CHD8: variants seen among roughly 807,000 people sequenced by gnomAD.
The protein encoded by CHD8 is chromodomain helicase DNA binding protein 8.
Under a neutral mutation model 279.2 loss-of-function variants are expected in CHD8, and 31 were observed. The ratio of observed to expected loss-of-function variants is 0.11; its 90% CI spans 0.08 to 0.15. The LOEUF (loss-of-function observed/expected upper bound fraction) is 0.15, where lower values mean the gene tolerates loss of function less well. Among genes scored for constraint, CHD8 ranks in the 10% least tolerant of loss-of-function variants. The pLI is 1.00. For synonymous variants in CHD8, 1,081 were observed against 1,139.6 expected, an observed-to-expected ratio of 0.95 and a Z score of 1.04; for missense variants, 2,146 against 3,230.5, an observed-to-expected ratio of 0.66 and a Z score of 8.14.
In CHD8 at chr14:21,420,765, A is replaced by AT. The variant is rs753051784; in HGVS notation, c.1717-4859dup. ...ACCTGTTGTAATTTTTCTCATACAC[A>AT]TTTTTTTTTTTTTTGAAACGGAGTT... On this transcript the variant is annotated intron_variant, in intron 5 of 37. Coordinates refer to ENST00000646647, the MANE Select transcript of CHD8 (RefSeq NM_001170629.2). Among the ~76,000 whole-genome samples the AT allele has an allele frequency of 3.2e-3, 464 of 145,738 alleles. 2 individuals carry two copies. Among genetic ancestry groups the AT allele is most frequent in the South Asian group, 8.1e-3 (37 of 4,582 alleles).
intron 5 of CHD8, among the ~76,000 whole-genome samples, chr14:21,420,760 TAC>T (rs1347878439): frequency 2.6e-5 from 4 of 152,042 alleles, no homozygotes; most frequent in Admixed American, 2.6e-4. Flanking sequence ...ATTTTTCTCA[TAC>T]ACATTTTTTT....
In CHD8 at chr14:21,386,021, C is replaced by G; in HGVS notation, c.7338G>C (p.Thr2446=). 6.3e-7 allele frequency: 1 copy of G among 1,596,030 alleles called. No homozygotes were observed. Among genetic ancestry groups the G allele is most frequent in the African/African-American group, 1.3e-5 (1 of 74,750 alleles). ...GSTGSLSLHN[T]FQHSSSGLQS... ...GTAGGCCACTACTGCTGTGTTGGAA[C>G]GTGTTATGCAGAGATAGAGACCCAG... Residue 2446 remains threonine (T), a synonymous_variant, in exon 38 of 38, where the codon ACG becomes ACC. Coordinates refer to ENST00000646647, the MANE Select transcript of CHD8 (RefSeq NM_001170629.2).
At position 21,447,508 on chromosome 14, in the gene CHD8, A is replaced by T. The variant is rs1890156313; in HGVS notation, c.-216+8524T>A. ...CACTTCAGCCTCCTGAGTAGCTGGG[A>T]GTACAGGCACGCACCACCACGTCTA... On this transcript the variant is annotated intron_variant, in intron 1 of 37. Transcript: ENST00000646647. Among the ~76,000 whole-genome samples the T allele has an allele frequency of 5.3e-5, 8 of 151,690 alleles. No individual in the cohort carries two copies. The South Asian group carries it at 1.7e-3, about 32-fold the overall frequency.
At chr14:21,450,391 TA>T (rs1325638604) in intron 1 of CHD8, among the ~76,000 whole-genome samples, 2 of 152,090 alleles carry the variant, frequency 1.3e-5, no homozygotes, top group Non-Finnish European at 2.9e-5. Flanking sequence ...CCCAAAGATA[TA>T]GTGCATCCCC....
chr14:21,385,540 G>A lies in CHD8; in HGVS notation c.*73C>T. The stretch of plus-strand genomic sequence containing the variant: ...CCCACATCTCCCCTGCCCCTCCCAC[G>A]TTTCCATAGTCCAAGGGCCAGAGTA... On this transcript the variant is annotated 3_prime_UTR_variant, in exon 38 of 38. Coordinates refer to ENST00000646647, the MANE Select transcript of CHD8 (RefSeq NM_001170629.2). The A allele has an allele frequency of 2.1e-6, 3 of 1,460,902 alleles. No individual in the cohort carries two copies. Among genetic ancestry groups the A allele is most frequent in the Non-Finnish European group, 2.7e-6 (3 of 1,106,826 alleles). The allele number at this position is 1,460,902 out of a possible 1,614,324, so 90.5% of individuals were successfully genotyped here.
At chr14:21,440,367 C>T (rs531999963) in intron 1 of CHD8, among the ~76,000 whole-genome samples, 3 of 151,988 alleles carry the variant, frequency 2.0e-5, no homozygotes, top group Admixed American at 6.6e-5. Context: ...CCACCATGCC[C>T]GGCTAATTTT....
chr14:21,393,480 C>A lies in CHD8; in HGVS notation c.6315G>T (p.Lys2105Asn). 1 of 1,563,394 alleles carries A rather than the reference C, an allele frequency of 6.4e-7. No homozygotes were observed. The highest frequency in any genetic ancestry group is 8.7e-7 in the Non-Finnish European group (1 of 1,153,368). The change falls in exon 32 of 38, where the codon AAG becomes AAT. Residue 2105 changes from lysine to asparagine, a missense_variant. Around this residue, in one of 26 missense-constraint regions of CHD8, gnomAD observed 513 missense variants for 637.6 expected, o/e 0.80. Transcript: ENST00000646647. ...TDESEDEKEE[K>N]LTDQSRSKLY... is the part of the protein sequence containing the mutation. ...CAGCCTGTCACATGCACTCACTTAG[C>A]TTCTCTTCCTTCTCATCCTCACTCT...
Position 21,394,685 on chromosome 14 carries a change from A to T in CHD8, c.5391-200T>A. 3 of 618,640 alleles carry T rather than the reference A, an allele frequency of 4.8e-6. No homozygotes were observed. The East Asian group carries it at 8.6e-5, about 18-fold the overall frequency. 38.3% of individuals were successfully genotyped at this position (618,640 alleles called of 1,614,324 possible). A position where few individuals can be genotyped will look rare whatever the true frequency, so the allele number is the denominator to read the frequency against. Reference sequence around the variant, plus strand: ...AGTAAGAATTACAGAGCCAAGGGGGAAAAGACACAGACAAATATCAATGAA... The same window carrying T: ...AGTAAGAATTACAGAGCCAAGGGGGTAAAGACACAGACAAATATCAATGAA... On this transcript the variant is annotated intron_variant, in intron 30 of 37. Transcript: ENST00000646647.
At chr14:21,407,072 G>GTTTT in intron 13 of CHD8, 40 bp from the exon 14 acceptor site, 1 of 1,492,316 alleles carries the variant, frequency 6.7e-7, no homozygotes, top group Non-Finnish European at 9.0e-7. Flanking sequence ...AACCAAAAAT[G>GTTTT]TACCTAAATG....
chr14:21,423,819 T>C (rs971171838), intron 5 of CHD8, among the ~76,000 whole-genome samples: 3 of 152,216 alleles, frequency 2.0e-5, no homozygotes, highest in Non-Finnish European at 4.4e-5. Context: ...CATTTAATCC[T>C]TGAAGCAACC....
At chr14:21,391,110 T>G (rs776159118) in intron 36 of CHD8, 47 bp from the exon 37 acceptor site, 2 of 1,172,290 alleles carry the variant, frequency 1.7e-6, no homozygotes, top group Non-Finnish European at 1.2e-6. Flanking sequence ...AAATCTTCTC[T>G]GGAGTAATTA....
At position 21,428,090 on chromosome 14, in the gene CHD8, T is replaced by C; in HGVS notation, c.1380A>G (p.Lys460=). Reference sequence around the variant, plus strand: ...TGGCCTCTGCTACAATCCGATTTGCTTTCTCTTGCTTCTTCTGGTGTTCCA... The same window carrying C: ...TGGCCTCTGCTACAATCCGATTTGCCTTCTCTTGCTTCTTCTGGTGTTCCA... ...RRLEHQKKQE[K]ANRIVAEAIA... is the part of the protein sequence containing the mutation. Residue 460 remains lysine (K), a synonymous_variant, in exon 4 of 38, where the codon AAA becomes AAG. Coordinates refer to ENST00000646647, the MANE Select transcript of CHD8 (RefSeq NM_001170629.2). 6.2e-7 allele frequency: 1 copy of C among 1,614,004 alleles called. No individual in the cohort carries two copies. Among genetic ancestry groups the C allele is most frequent in the Non-Finnish European group, 8.5e-7 (1 of 1,179,888 alleles).
intron 27 of CHD8, chr14:21,397,559 C>T (rs556006279): frequency 4.9e-6 from 2 of 407,938 alleles, no homozygotes; most frequent in East Asian, 1.1e-4. Context: ...GCTACTGTAG[C>T]TGTACAGAAG....
chr14:21,423,059 A>G (rs1249728929), intron 5 of CHD8, among the ~76,000 whole-genome samples: 1 of 152,108 alleles, frequency 6.6e-6, no homozygotes, highest in East Asian at 1.9e-4. Context: ...CTGTCTACTA[A>G]AAATATAAAA....
chr14:21,407,609 C>T (rs1246415670), intron 13 of CHD8, among the ~76,000 whole-genome samples: 1 of 150,884 alleles, frequency 6.6e-6, no homozygotes, highest in African/African-American at 2.4e-5. Context: ...GGAACTGATC[C>T]TTTTTTTTTC....
chr14:21,408,759 G>C lies in CHD8; in HGVS notation c.2431C>G (p.Leu811Val), dbSNP rs1293272327. ...LSHEYKNRNQ[L>V]REYQLEGVNW... ...ACCCCTTCCAACTGATATTCCCGTAGCTGGTTTCTGTTTTTATATTCATGT... is the reference window on the plus strand; with the variant it reads ...ACCCCTTCCAACTGATATTCCCGTACCTGGTTTCTGTTTTTATATTCATGT... Residue 811 changes from leucine (L) to valine (V), a missense_variant, in exon 12 of 38, where the codon CTA (leucine) becomes GTA (valine). By Grantham distance (32) the Leu-to-Val change is conservative (BLOSUM62 1). This residue lies in a region of CHD8 where 211 missense variants were observed against 464.7 expected (regional missense o/e 0.45). Transcript: ENST00000646647. This position sits in a 1 kb window ranked among gnomAD's most constrained non-coding sequence, Gnocchi z 4.3. The C allele has an allele frequency of 6.2e-7, 1 of 1,610,080 alleles. No individual in the cohort carries two copies. Among genetic ancestry groups the C allele is most frequent in the Admixed American group, 1.7e-5 (1 of 59,460 alleles).
At chr14:21,435,714 A>T (rs1889754003) in intron 1 of CHD8, among the ~76,000 whole-genome samples, 1 of 152,188 alleles carries the variant, frequency 6.6e-6, no homozygotes, top group Non-Finnish European at 1.5e-5. Context: ...GGTGTATTCA[A>T]TATTATAATT....
intron 1 of CHD8, among the ~76,000 whole-genome samples, chr14:21,448,030 C>T (rs550292476): frequency 2.0e-5 from 3 of 152,312 alleles, no homozygotes; most frequent in Admixed American, 6.5e-5. Flanking sequence ...CTTCATGCTC[C>T]CCCACATACA....
chr14:21,418,731 G>A (rs1462319468), intron 5 of CHD8, among the ~76,000 whole-genome samples: 3 of 151,418 alleles, frequency 2.0e-5, no homozygotes, highest in East Asian at 3.9e-4. Flanking sequence ...CAAGAGAATG[G>A]CATGAACCCA....
Sources: gnomAD v4.1 joint callset for allele counts (sites outside exome capture counted in the v4.1 genomes callset) on GRCh38, gnomAD v4.1.1 for gene constraint, gnomAD v4.1.1 regional missense constraint, Gnocchi (gnomAD v3.1) non-coding constraint, MANE v1.5 for transcripts, NCBI Gene and HGNC (gene_info 2026-07-23, HGNC 2026-07-21) for gene names.